Variants in SLC35F3 observed in about 807,000 individuals in gnomAD.
SLC35F3 encodes the protein solute carrier family 35 member F3.
SLC35F3 carries 25 observed loss-of-function variants against 49.9 expected under a neutral mutation model. The ratio of observed to expected loss-of-function variants is 0.50; its 90% CI spans 0.37 to 0.70. SLC35F3 has a LOEUF of 0.70. Among genes scored for constraint, SLC35F3 ranks in the 30% least tolerant of loss-of-function variants. SLC35F3 has a pLI of 0.00. For missense variants in SLC35F3, 525 were observed against 639.8 expected (o/e 0.82, Z 1.94); for synonymous variants, 275 against 265.4 (o/e 1.04, Z -0.35).
At chr1:233,985,957 G>A (rs12063149) in intron 2 of SLC35F3, among the ~76,000 whole-genome samples, 87 of 152,272 alleles carry the variant, frequency 5.7e-4, no homozygotes, top group African/African-American at 2.0e-3. Flanking sequence ...AAGGCTCTGG[G>A]CCCAGGCTGT....
chr1:233,981,003 G>C (rs991726262), intron 2 of SLC35F3, among the ~76,000 whole-genome samples: 2 of 152,142 alleles, frequency 1.3e-5, no homozygotes, highest in African/African-American at 4.8e-5. Context: ...TCACACACAT[G>C]GGAAGTGTCT....
At chr1:234,074,464 A>G (rs574453573) in intron 2 of SLC35F3, among the ~76,000 whole-genome samples, 2 of 152,352 alleles carry the variant, frequency 1.3e-5, no homozygotes, top group East Asian at 3.9e-4. Context: ...AACCACAGCC[A>G]TGACAGCTCA....
intron 2 of SLC35F3, among the ~76,000 whole-genome samples, chr1:233,973,416 G>A (rs900684140): frequency 1.3e-5 from 2 of 152,212 alleles, no homozygotes; most frequent in Admixed American, 1.3e-4. Context: ...GAACAACTTG[G>A]GGATCGAGTA....
chr1:234,031,956 T>G (rs1243452130), intron 2 of SLC35F3, among the ~76,000 whole-genome samples: 2 of 152,184 alleles, frequency 1.3e-5, no homozygotes, highest in Non-Finnish European at 2.9e-5. Context: ...TTATAAGATG[T>G]GTAGACAAAA....
At chr1:234,273,385 G>T (rs770447626) in intron 3 of SLC35F3, among the ~76,000 whole-genome samples, 1 of 152,226 alleles carries the variant, frequency 6.6e-6, no homozygotes, top group Non-Finnish European at 1.5e-5. Context: ...GGGAACGCAA[G>T]CCCAGGCAAC....
chr1:234,106,627 C>T (rs192785757), intron 2 of SLC35F3, among the ~76,000 whole-genome samples: 2 of 152,204 alleles, frequency 1.3e-5, no homozygotes, highest in African/African-American at 4.8e-5. Context: ...TCAGTGACCT[C>T]ACTTAATCTT....
At chr1:234,102,138 C>T (rs958676597) in intron 2 of SLC35F3, among the ~76,000 whole-genome samples, 1 of 152,180 alleles carries the variant, frequency 6.6e-6, no homozygotes, top group African/African-American at 2.4e-5. Flanking sequence ...TTACTTTCCC[C>T]CTTTCCATGT....
chr1:234,216,543 C>T (rs1287625555), intron 2 of SLC35F3, among the ~76,000 whole-genome samples: 1 of 152,232 alleles, frequency 6.6e-6, no homozygotes. Flanking sequence ...TCCCTTAGGG[C>T]TGCTGCCAAA....
chr1:234,246,214 G>A (rs561684090), intron 3 of SLC35F3, among the ~76,000 whole-genome samples: 2 of 152,280 alleles, frequency 1.3e-5, no homozygotes, highest in East Asian at 3.9e-4. Flanking sequence ...AGGAGGAGTG[G>A]CTCAGATGGA....
intron 3 of SLC35F3, among the ~76,000 whole-genome samples, chr1:234,263,181 G>C (rs1481267102): frequency 6.6e-6 from 1 of 152,202 alleles, no homozygotes; most frequent in Non-Finnish European, 1.5e-5. Context: ...GTTTGAGAAA[G>C]GGAGAGACTA....
chr1:234,158,721 T>A (rs1286877131), intron 2 of SLC35F3, among the ~76,000 whole-genome samples: 1 of 152,336 alleles, frequency 6.6e-6, no homozygotes, highest in Middle Eastern at 3.4e-3. Context: ...TCAAAAAGCA[T>A]GTGCATATTT....
chr1:234,052,529 T>C (rs1346325304), intron 2 of SLC35F3, among the ~76,000 whole-genome samples: 1 of 152,200 alleles, frequency 6.6e-6, no homozygotes, highest in Non-Finnish European at 1.5e-5. Flanking sequence ...CTTCTCTCTT[T>C]TCTTCTTTAT....
intron 3 of SLC35F3, among the ~76,000 whole-genome samples, chr1:234,232,519 C>CAAAAAAAAAAAAAAAAAAAAAAA (rs536692686): frequency 9.7e-5 from 7 of 72,358 alleles, no homozygotes; most frequent in East Asian, 5.1e-4. Context: ...CAGGCCTAGT[C>CAAAAAAAAAAAAAAAAAAAAAAA]AAAAAAAAAA....
intron 2 of SLC35F3, among the ~76,000 whole-genome samples, chr1:234,033,570 A>G (rs1004793831): frequency 2.6e-5 from 4 of 152,150 alleles, no homozygotes; most frequent in African/African-American, 9.6e-5. Context: ...ATTCTTCTAC[A>G]TGTGACTTGC....
chr1:234,276,396 C>G (rs1038441967), intron 3 of SLC35F3, among the ~76,000 whole-genome samples: 1 of 152,124 alleles, frequency 6.6e-6, no homozygotes, highest in East Asian at 1.9e-4. Flanking sequence ...GAGGAGGTCA[C>G]GCAAGGTCGT....
At chr1:234,184,861 T>C (rs1244714990) in intron 2 of SLC35F3, among the ~76,000 whole-genome samples, 1 of 152,188 alleles carries the variant, frequency 6.6e-6, no homozygotes, top group Non-Finnish European at 1.5e-5. Flanking sequence ...AGACCAGCTT[T>C]GACATTACCT....
At chr1:233,908,536 C>CTTT (rs898041195) in intron 2 of SLC35F3, among the ~76,000 whole-genome samples, 123 of 84,874 alleles carry the variant, frequency 1.4e-3, no homozygotes, top group South Asian at 2.3e-3. Flanking sequence ...GTAAAGGATT[C>CTTT]TTTTTTTTTT....
intron 2 of SLC35F3, among the ~76,000 whole-genome samples, chr1:234,092,563 G>A (rs1448647187): frequency 2.0e-5 from 3 of 152,160 alleles, no homozygotes; most frequent in East Asian, 1.9e-4. Flanking sequence ...AAAGTGCTGC[G>A]AATAAAAATG....
intron 2 of SLC35F3, among the ~76,000 whole-genome samples, chr1:234,001,484 A>G (rs1663553049): frequency 6.6e-6 from 1 of 152,164 alleles, no homozygotes; most frequent in Admixed American, 6.5e-5. Flanking sequence ...AAAAGTTTTC[A>G]TTTATATTGT....
Sources: allele counts gnomAD v4.1 joint callset (sites outside exome capture counted in the v4.1 genomes callset), GRCh38; gene constraint gnomAD v4.1.1; transcripts MANE v1.5; gene names NCBI Gene and HGNC (gene_info 2026-07-23, HGNC 2026-07-21).